SOX6: variants seen among roughly 807,000 people sequenced by gnomAD.
The protein encoded by SOX6 is transcription factor SOX-6.
SOX6 carries 11 observed loss-of-function variants against 97.8 expected under a neutral mutation model. The ratio of observed to expected loss-of-function variants is 0.11; its 90% CI spans 0.07 to 0.19. The LOEUF is 0.19. Among genes scored for constraint, SOX6 ranks in the 10% least tolerant of loss-of-function variants. The pLI is 1.00. For synonymous variants in SOX6, 360 were observed against 371.4 expected (o/e 0.97, Z 0.35); for missense variants, 810 against 1,039.5 (o/e 0.78, Z 3.04).
At chr11:16,380,436 T>A (rs947755714) in intron 1 of SOX6, among the ~76,000 whole-genome samples, 1 of 152,048 alleles carries the variant, frequency 6.6e-6, no homozygotes, top group African/African-American at 2.4e-5. Context: ...CTTTTTCCAA[T>A]AACCATAGTT....
At chr11:16,016,074 G>A (rs1854873995) in intron 12 of SOX6, among the ~76,000 whole-genome samples, 2 of 152,014 alleles carry the variant, frequency 1.3e-5, no homozygotes, top group South Asian at 2.1e-4. Context: ...TCTGTACTGA[G>A]CATGTTCGGC....
intron 2 of SOX6, among the ~76,000 whole-genome samples, chr11:16,331,608 C>G (rs572869374): frequency 6.6e-6 from 1 of 152,072 alleles, no homozygotes; most frequent in African/African-American, 2.4e-5. Context: ...ACATCTCTAG[C>G]TCTCTTGTTT....
chr11:16,134,972 C>T (rs1008731759), intron 6 of SOX6, among the ~76,000 whole-genome samples: 9 of 152,318 alleles, frequency 5.9e-5, no homozygotes, highest in African/African-American at 2.2e-4. Flanking sequence ...GGGGCTAATG[C>T]AGCTAGTGAC....
At chr11:16,360,504 C>T (rs1264339132), upstream of SOX6, among the ~76,000 whole-genome samples, 1 of 152,056 alleles carries the variant, frequency 6.6e-6, no homozygotes, top group Non-Finnish European at 1.5e-5. Context: ...GTTTATGTTC[C>T]ATATCCCCAG....
At chr11:16,692,956 C>A (rs995510741) in intron 3 of SOX6, among the ~76,000 whole-genome samples, 2 of 152,178 alleles carry the variant, frequency 1.3e-5, no homozygotes, top group Admixed American at 6.5e-5. Flanking sequence ...CAGTCAAATA[C>A]TGGCACTTTC....
At chr11:16,632,416 T>G (rs755698944) in intron 3 of SOX6, among the ~76,000 whole-genome samples, 5 of 152,206 alleles carry the variant, frequency 3.3e-5, no homozygotes, top group Non-Finnish European at 7.3e-5. Flanking sequence ...CAGTCAGCTT[T>G]TAGCTTGTCT....
intron 3 of SOX6, among the ~76,000 whole-genome samples, chr11:16,645,296 G>A (rs112697644): frequency 4.6e-5 from 7 of 152,082 alleles, no homozygotes; most frequent in African/African-American, 1.4e-4. Flanking sequence ...TGCTTTACCC[G>A]TTGTTTCACC....
In SOX6 at chr11:16,732,242, G is replaced by A. The variant is rs189973261; in HGVS notation, n.353+4097C>T. 1.1e-4 allele frequency among the ~76,000 whole-genome samples: 16 copies of A among 151,064 alleles called. No homozygotes were observed. In the South Asian group the frequency reaches 2.3e-3, roughly 22 times the overall value. On this transcript the variant is annotated intron_variant and non_coding_transcript_variant, in intron 2 of 5. Coordinates refer to the SOX6 transcript ENST00000524520. ...TTCACAAATTAGAAAAAACTACTTC[G>A]TTTCATATGGAAACAAAAAAGAGCC...
At chr11:16,520,688 G>A (rs540809699) in intron 4 of SOX6, among the ~76,000 whole-genome samples, 4 of 152,350 alleles carry the variant, frequency 2.6e-5, no homozygotes, top group East Asian at 3.9e-4. Context: ...GGCCTCACTC[G>A]GGAAGCGCAA....
chr11:16,098,187 A>G (rs1848851396), intron 7 of SOX6, among the ~76,000 whole-genome samples: 1 of 151,776 alleles, frequency 6.6e-6, no homozygotes, highest in Non-Finnish European at 1.5e-5. Context: ...CCTCTTCAAT[A>G]TGATAGGGCT....
chr11:16,684,624 T>A (rs2134032063), intron 3 of SOX6, among the ~76,000 whole-genome samples: 1 of 152,156 alleles, frequency 6.6e-6, no homozygotes, highest in East Asian at 1.9e-4. Flanking sequence ...GAGAAATTCC[T>A]AATGTAAATG....
intron 12 of SOX6, among the ~76,000 whole-genome samples, chr11:16,045,873 T>C (rs1030258759): frequency 3.3e-5 from 5 of 152,214 alleles, no homozygotes; most frequent in African/African-American, 1.2e-4. Flanking sequence ...ATTTATTGAC[T>C]TCCTGCCATT....
intron 4 of SOX6, among the ~76,000 whole-genome samples, chr11:16,586,720 TA>T (rs546026414): frequency 1.3e-5 from 2 of 149,902 alleles, no homozygotes; most frequent in African/African-American, 2.5e-5. Flanking sequence ...AGACTGTCTG[TA>T]AAAAAAAAGA....
chr11:16,452,011 T>TAAATAAATAAATAAATAAAA (rs766132129), intron 1 of SOX6, among the ~76,000 whole-genome samples: 31 of 147,672 alleles, frequency 2.1e-4, no homozygotes, highest in African/African-American at 6.0e-4. Flanking sequence ...AATAAATAAA[T>TAAATAAATAAATAAATAAAA]AAAATAAAAT....
At chr11:16,260,776 C>G (rs1485041980) in intron 3 of SOX6, among the ~76,000 whole-genome samples, 1 of 152,086 alleles carries the variant, frequency 6.6e-6, no homozygotes, top group Non-Finnish European at 1.5e-5. Context: ...AAACATTTAC[C>G]CTTAGAATAA....
At chr11:16,669,166 G>A (rs1380873995) in intron 3 of SOX6, among the ~76,000 whole-genome samples, 3 of 151,572 alleles carry the variant, frequency 2.0e-5, no homozygotes, top group South Asian at 4.2e-4. Flanking sequence ...TTTAAAAATT[G>A]AAAAAAAATT....
intron 3 of SOX6, among the ~76,000 whole-genome samples, chr11:16,652,075 C>T (rs1417718798): frequency 6.6e-6 from 1 of 152,024 alleles, no homozygotes; most frequent in Non-Finnish European, 1.5e-5. Flanking sequence ...AAGATCTCTA[C>T]AAGAAAACTA....
chr11:16,181,764 T>G (rs986162868), intron 6 of SOX6, among the ~76,000 whole-genome samples: 2 of 151,758 alleles, frequency 1.3e-5, no homozygotes, highest in Non-Finnish European at 3.0e-5. Flanking sequence ...AATACAGGTC[T>G]TATTGCTTTC....
intron 9 of SOX6, among the ~76,000 whole-genome samples, chr11:16,076,763 T>C (rs34802461): frequency 1.4e-5 from 2 of 141,774 alleles, no homozygotes; most frequent in Admixed American, 1.4e-4. Context: ...TTTTTTTTTT[T>C]TGAGACGGAG....
Sources: gnomAD v4.1 joint callset for allele counts (sites outside exome capture counted in the v4.1 genomes callset) on GRCh38, gnomAD v4.1.1 for gene constraint, MANE v1.5 for transcripts, NCBI Gene and HGNC (gene_info 2026-07-23, HGNC 2026-07-21) for gene names.